NLGN4X: variants seen among roughly 807,000 people sequenced by gnomAD.
NLGN4X encodes the protein neuroligin 4 X-linked, also known as neuroligin-4, X-linked.
A neutral mutation model predicts 40.3 loss-of-function variants in NLGN4X; 3 were observed. That is an observed-to-expected ratio of 0.07 (90% CI 0.03 to 0.19). The LOEUF (loss-of-function observed/expected upper bound fraction) is 0.19. Ranked by LOEUF, NLGN4X falls within the 10% of genes least tolerant of loss-of-function variation. NLGN4X has a pLI of 1.00. For synonymous variants in NLGN4X, 270 were observed against 306.8 expected (o/e 0.88, Z 1.25); for missense variants, 382 against 708.3 (o/e 0.54, Z 5.23).
intron 2 of NLGN4X, among the ~76,000 whole-genome samples, chrX:6,036,140 C>G (rs929520522): frequency 9.0e-6 from 1 of 111,726 alleles, no homozygotes; most frequent in East Asian, 2.8e-4. Flanking sequence ...ATCTTGATTA[C>G]TATATCTTTA....
At chrX:6,049,102 A>C (rs1001996149) in intron 2 of NLGN4X, among the ~76,000 whole-genome samples, 1 of 101,254 alleles carries the variant, frequency 9.9e-6, no homozygotes, top group Admixed American at 1.1e-4. Context: ...AACCATGTAC[A>C]AAAGTTGTGA....
intron 1 of NLGN4X, among the ~76,000 whole-genome samples, chrX:6,196,542 ACT>A (rs1384450900): frequency 6.1e-5 from 4 of 65,826 alleles, no homozygotes; most frequent in Admixed American, 2.1e-4. Flanking sequence ...ACAGAGCGAG[ACT>A]CTGTCTCAAA....
At chrX:6,161,410 T>C (rs189967743) in intron 1 of NLGN4X, among the ~76,000 whole-genome samples, 1 of 38,883 alleles carries the variant, frequency 2.6e-5, no homozygotes, top group Non-Finnish European at 4.6e-5. Flanking sequence ...TTATTCTATA[T>C]ATAATATAGG....
rs1203343146 is a variant in NLGN4X at position 6,228,855 on chromosome X, G to C, written c.-620C>G. ...TGTGCTAAGAGACAGAGAAGGGAGA[G>C]AGACGGTTCTGCAAGAAAAAGAGAG... On this transcript the variant is annotated 5_prime_UTR_variant, in exon 1 of 6. Transcript: ENST00000381095. The C allele has an allele frequency of 2.7e-5, 3 of 112,245 alleles. No individual in the cohort carries two copies. Among genetic ancestry groups the C allele is most frequent in the African/African-American group, 6.5e-5 (2 of 30,855 alleles). 9.3% of individuals were successfully genotyped at this position (112,245 alleles called of 1,213,427 possible).
intron 3 of NLGN4X, among the ~76,000 whole-genome samples, chrX:5,975,612 CAAAAAAAA>C (rs60917858): frequency 1.9e-5 from 1 of 53,890 alleles, no homozygotes; most frequent in Non-Finnish European, 3.6e-5. Context: ...GACTCCGTTT[CAAAAAAAA>C]AAAAAAAAAG....
intron 5 of NLGN4X, among the ~76,000 whole-genome samples, chrX:5,898,876 G>C (rs1273091027): frequency 8.9e-6 from 1 of 111,889 alleles, no homozygotes; most frequent in East Asian, 2.8e-4. Flanking sequence ...CATCAGTTTG[G>C]TTCATTCTCT....
intron 2 of NLGN4X, among the ~76,000 whole-genome samples, chrX:6,071,216 C>T (rs1013421020): frequency 1.8e-5 from 2 of 111,590 alleles, no homozygotes; most frequent in African/African-American, 6.5e-5. Context: ...TATTGCGGCT[C>T]ATATGAAATC....
chrX:6,072,949 G>A (rs904085637), intron 2 of NLGN4X, among the ~76,000 whole-genome samples: 9 of 112,361 alleles, frequency 8.0e-5, no homozygotes, highest in African/African-American at 2.9e-4. Flanking sequence ...TCTAGTCACA[G>A]ATTCACTTTC....
chrX:5,905,962 G>C (rs2032151963), intron 4 of NLGN4X, among the ~76,000 whole-genome samples: 1 of 112,212 alleles, frequency 8.9e-6, no homozygotes, highest in South Asian at 3.7e-4. Flanking sequence ...TGCCTGGCTT[G>C]TATTTTTCAT....
intron 3 of NLGN4X, among the ~76,000 whole-genome samples, chrX:5,965,705 A>T (rs2034812114): frequency 8.9e-6 from 1 of 111,843 alleles, no homozygotes; most frequent in Non-Finnish European, 1.9e-5. Flanking sequence ...TTCTCATTGG[A>T]TAAGAGATAA....
intron 1 of NLGN4X, among the ~76,000 whole-genome samples, chrX:6,155,355 C>A (rs772700874): frequency 8.9e-6 from 1 of 112,158 alleles, no homozygotes; most frequent in East Asian, 2.8e-4. Flanking sequence ...TGGGCTTGTA[C>A]AATAATCCTT....
chrX:6,052,068 A>G (rs1035835211), intron 2 of NLGN4X, among the ~76,000 whole-genome samples: 2 of 110,458 alleles, frequency 1.8e-5, no homozygotes, highest in Non-Finnish European at 3.8e-5. Flanking sequence ...AGGAGCTGAC[A>G]TCGACCCCTG....
intron 3 of NLGN4X, among the ~76,000 whole-genome samples, chrX:5,990,775 AAGG>A (rs1222112978): frequency 1.8e-5 from 2 of 111,013 alleles, no homozygotes; most frequent in Non-Finnish European, 3.8e-5. Context: ...GGTGGAGGGG[AAGG>A]AGGAGAGGGT....
chrX:5,914,780 T>C (rs960933074), intron 3 of NLGN4X, among the ~76,000 whole-genome samples: 1 of 111,909 alleles, frequency 8.9e-6, no homozygotes, highest in Admixed American at 9.5e-5. Flanking sequence ...AGAATTTGTG[T>C]TAGATCATGC....
chrX:6,135,803 G>A lies in NLGN4X; in HGVS notation c.472+15192C>T, dbSNP rs377244536. On this transcript the variant is annotated intron_variant, in intron 2 of 5. Transcript: ENST00000381095. ...AAGCCTCTCTAAGAAAGCCAAAGAA[G>A]AAACATGGCGCCAAAGTGCCAGATT... 7.1e-4 allele frequency among the ~76,000 whole-genome samples: 79 copies of A among 111,709 alleles called. No homozygotes were observed. The Middle Eastern group carries it at 0.018, about 26-fold the overall frequency.
chrX:5,944,195 C>T (rs1014100269), intron 3 of NLGN4X, among the ~76,000 whole-genome samples: 1 of 111,793 alleles, frequency 8.9e-6, no homozygotes. Context: ...CAGTTACACC[C>T]CCTCTGCTGT....
chrX:5,933,895 A>G (rs2033643647), intron 3 of NLGN4X, among the ~76,000 whole-genome samples: 1 of 111,910 alleles, frequency 8.9e-6, no homozygotes, highest in Non-Finnish European at 1.9e-5. Flanking sequence ...CAAAAGATAT[A>G]GAAAGACTAA....
intron 3 of NLGN4X, among the ~76,000 whole-genome samples, chrX:5,988,247 C>T (rs2035583475): frequency 8.9e-6 from 1 of 112,011 alleles, no homozygotes; most frequent in South Asian, 3.7e-4. Flanking sequence ...CCGTCCATCA[C>T]AGGCCCATCC....
At chrX:6,116,367 CA>C (rs950389190) in intron 2 of NLGN4X, among the ~76,000 whole-genome samples, 1 of 75,487 alleles carries the variant, frequency 1.3e-5, no homozygotes, top group African/African-American at 4.9e-5. Context: ...TTTCATTCAA[CA>C]AGTAGGTATT....
Sources: allele counts gnomAD v4.1 joint callset (sites outside exome capture counted in the v4.1 genomes callset), GRCh38; gene constraint gnomAD v4.1.1; transcripts MANE v1.5; gene names NCBI Gene and HGNC (gene_info 2026-07-23, HGNC 2026-07-21).